The following DOCK8 variants were observed in gnomAD, a reference collection of about 807,000 sequenced individuals.
The protein encoded by DOCK8 is dedicator of cytokinesis protein 8.
A neutral mutation model predicts 245.6 loss-of-function variants in DOCK8; 141 were observed. That is an observed-to-expected ratio of 0.57 (90% CI 0.50 to 0.66). The LOEUF is 0.66. Ranked by LOEUF, DOCK8 falls within the 30% of genes least tolerant of loss-of-function variation. The pLI is 0.00. For missense variants in DOCK8, 2,965 were observed against 2,603.4 expected, an observed-to-expected ratio of 1.14 and a Z score of -3.02; for synonymous variants, 1,168 against 970.2, an observed-to-expected ratio of 1.20 and a Z score of -3.79.
intron 26 of DOCK8, among the ~76,000 whole-genome samples, chr9:400,847 ACCATCACCACCTCCT>A (rs2054969714): frequency 2.8e-5 from 3 of 107,180 alleles, no homozygotes; most frequent in Non-Finnish European, 5.7e-5. Context: ...CACCACCTCC[ACCATCACCACCTCCT>A]CCACCATCAC....
intron 14 of DOCK8, among the ~76,000 whole-genome samples, chr9:346,661 GGACTCCTCCTATTCAGCTGAATGTTCTCA>G (rs2051904249): frequency 1.3e-5 from 2 of 152,056 alleles, no homozygotes; most frequent in South Asian, 4.2e-4. Context: ...GCTGTTTTCA[GGACTCCTCCTATTCAGCTGAATGTTCTCA>G]GACCAGAAGT....
At position 329,738 on chromosome 9, in the gene DOCK8, C is replaced by T. The variant is rs142384764; in HGVS notation, c.1044+1567C>T. ...CCAAATTTTATCTCAAACTCTACTT[C>T]CCAGTGGATGACTTTCTCTTGATTA... On this transcript the variant is annotated intron_variant, in intron 9 of 47. Coordinates refer to ENST00000432829, the MANE Select transcript of DOCK8 (RefSeq NM_203447.4). Among the ~76,000 whole-genome samples, 523 of 152,340 alleles carry T rather than the reference C, an allele frequency of 3.4e-3. 5 individuals carry two copies. Among genetic ancestry groups the T allele is most frequent in the African/African-American group, 0.012 (504 of 41,574 alleles).
chr9:379,457 G>A (rs779693128), intron 20 of DOCK8, among the ~76,000 whole-genome samples: 11 of 152,098 alleles, frequency 7.2e-5, no homozygotes, highest in Non-Finnish European at 1.0e-4. Context: ...GTGTGTGTCC[G>A]CAGCCCCCAC....
intron 44 of DOCK8, among the ~76,000 whole-genome samples, chr9:448,792 A>C (rs4741960): frequency 0.6 from 90,801 of 152,070 alleles, 29,975 homozygotes; most frequent in East Asian, 0.99. Context: ...CTATCTCCAA[A>C]GAAGGTCACA....
intron 2 of DOCK8, among the ~76,000 whole-genome samples, chr9:281,079 C>G (rs60049616): frequency 0.017 from 2,533 of 152,200 alleles, 71 homozygotes; most frequent in African/African-American, 0.057. Context: ...CGTAGTGGAA[C>G]CCCGTCTCCA....
chr9:261,040 C>T (rs564879749), intron 1 of DOCK8, among the ~76,000 whole-genome samples: 106 of 149,920 alleles, frequency 7.1e-4, no homozygotes, highest in Non-Finnish European at 1.2e-3. Context: ...GAGCGGAGAT[C>T]GTGCCACTGC....
rs574535695 is a variant in DOCK8 at position 334,045 on chromosome 9, A to AGACTTCT, written c.1126-177_1126-176insTTCTGAC. On this transcript the variant is annotated intron_variant, in intron 10 of 47. Coordinates refer to ENST00000432829, the MANE Select transcript of DOCK8 (RefSeq NM_203447.4). ...TTTAATCTTTATTTCCTTATCAGCT[A>AGACTTCT]GACCCAAGTGCATCATTTTTCTGCC... 8.6e-4 allele frequency among the ~76,000 whole-genome samples: 90 copies of AGACTTCT among 104,904 alleles called. No homozygotes were observed. In the South Asian group the frequency reaches 0.029, roughly 34 times the overall value. The allele number at this position is 104,904 out of a possible 152,430, so 68.8% of individuals were successfully genotyped here. A position where few individuals can be genotyped will look rare whatever the true frequency, so the allele number is the denominator to read the frequency against.
At position 432,820 on chromosome 9, in the gene DOCK8, G is replaced by A. The variant is rs772168245; in HGVS notation, c.4785+496G>A. 3.3e-5 allele frequency among the ~76,000 whole-genome samples: 5 copies of A among 152,276 alleles called. No individual in the cohort carries two copies. In the East Asian group the frequency reaches 9.7e-4, roughly 29 times the overall value. On this transcript the variant is annotated intron_variant, in intron 37 of 47. Transcript: ENST00000432829. ...GTAAAGGGACCAGCTTGTCTGGTGA[G>A]GGGTAAGGAAGGGCCGAGTTTGAGA...
intron 5 of DOCK8, among the ~76,000 whole-genome samples, chr9:308,451 C>T (rs943363818): frequency 6.6e-6 from 1 of 152,204 alleles, no homozygotes; most frequent in African/African-American, 2.4e-5. Context: ...GCAATGTTTT[C>T]AATTCCACTC....
chr9:357,301 T>C (rs760900017), intron 14 of DOCK8, among the ~76,000 whole-genome samples: 3 of 152,206 alleles, frequency 2.0e-5, no homozygotes, highest in Non-Finnish European at 4.4e-5. Context: ...AAAGATCAAT[T>C]AGTAGTAATA....
chr9:434,086 T>A lies in DOCK8; in HGVS notation c.4886+111T>A. ...GCTAACATGGATATAGTGATTTGGA[T>A]GATAGCCAAATAATATATAGAAATT... On this transcript the variant is annotated intron_variant, in intron 38 of 47. Transcript: ENST00000432829. 6.3e-6 allele frequency: 5 copies of A among 798,094 alleles called. No homozygotes were observed. The South Asian group carries it at 7.1e-5, about 11-fold the overall frequency. The allele number at this position is 798,094 out of a possible 1,614,324, so 49.4% of individuals were successfully genotyped here.
intron 14 of DOCK8, among the ~76,000 whole-genome samples, chr9:350,588 T>C (rs1394121003): frequency 6.6e-6 from 1 of 152,166 alleles, no homozygotes; most frequent in Non-Finnish European, 1.5e-5. Context: ...CAGGTTTTCT[T>C]TCATTTTAAT....
At chr9:264,404 A>T (rs512379) in intron 1 of DOCK8, among the ~76,000 whole-genome samples, 83,518 of 152,050 alleles carry the variant, frequency 0.55, 23,497 homozygotes, top group East Asian at 0.79. Context: ...CATGCCTTCC[A>T]AATAAGGGGC....
At chr9:443,806 A>G (rs2131825875) in intron 43 of DOCK8, among the ~76,000 whole-genome samples, 1 of 152,262 alleles carries the variant, frequency 6.6e-6, no homozygotes, top group East Asian at 1.9e-4. Flanking sequence ...CTGGAAGTAG[A>G]TTTTGTCATT....
intron 14 of DOCK8, among the ~76,000 whole-genome samples, chr9:362,241 A>G (rs1328682336): frequency 6.6e-6 from 1 of 152,216 alleles, no homozygotes; most frequent in Non-Finnish European, 1.5e-5. Context: ...ATGCATACGC[A>G]TTCTCATTGT....
At chr9:362,843 G>A (rs1161016833) in intron 14 of DOCK8, among the ~76,000 whole-genome samples, 1 of 152,218 alleles carries the variant, frequency 6.6e-6, no homozygotes, top group Non-Finnish European at 1.5e-5. Context: ...AAACTTGGGA[G>A]AAGCCAAAGT....
chr9:335,268 G>A (rs958182638), intron 11 of DOCK8, among the ~76,000 whole-genome samples: 4 of 152,132 alleles, frequency 2.6e-5, no homozygotes, highest in Non-Finnish European at 5.9e-5. Context: ...ACTGCTTGGT[G>A]TAGAAATTTT....
intron 44 of DOCK8, among the ~76,000 whole-genome samples, chr9:448,709 A>G (rs927159764): frequency 1.1e-4 from 16 of 152,118 alleles, no homozygotes; most frequent in African/African-American, 3.9e-4. Flanking sequence ...CTCTTCTCGT[A>G]AGGACACCAG....
intron 20 of DOCK8, among the ~76,000 whole-genome samples, chr9:377,418 C>G (rs1206375273): frequency 6.6e-6 from 1 of 152,090 alleles, no homozygotes. Context: ...AAATAGGGTT[C>G]TTAATATTAT....
Sources: gnomAD v4.1 joint callset for allele counts (sites outside exome capture counted in the v4.1 genomes callset) on GRCh38, gnomAD v4.1.1 for gene constraint, MANE v1.5 for transcripts, NCBI Gene and HGNC (gene_info 2026-07-23, HGNC 2026-07-21) for gene names.